PCDHA11: variants seen among roughly 807,000 people sequenced by gnomAD.
PCDHA11 encodes protocadherin alpha-11.
PCDHA11 carries 61 observed loss-of-function variants against 70.3 expected under a neutral mutation model. That is an observed-to-expected ratio of 0.87 (90% CI 0.71 to 1.07). The LOEUF (loss-of-function observed/expected upper bound fraction) is 1.07, where lower values mean the gene tolerates loss of function less well. PCDHA11 is among the 50% of genes least tolerant of loss of function. The pLI is 0.00. For missense variants in PCDHA11, 1,324 were observed against 1,237.5 expected (o/e 1.07, Z -1.05); for synonymous variants, 633 against 555.1 (o/e 1.14, Z -1.97).
chr5:140,899,268 C>T (rs2067238736), intron 1 of PCDHA11, among the ~76,000 whole-genome samples: 1 of 152,078 alleles, frequency 6.6e-6, no homozygotes, highest in Non-Finnish European at 1.5e-5. Context: ...TGTCTTGTGG[C>T]AGTTTTCAAA....
intron 1 of PCDHA11, among the ~76,000 whole-genome samples, chr5:140,942,639 G>C (rs923095335): frequency 1.3e-5 from 2 of 151,806 alleles, no homozygotes; most frequent in African/African-American, 2.4e-5. Flanking sequence ...AATGGCAAAA[G>C]AGATCTCATT....
At chr5:140,993,227 C>T (rs1464075096) in intron 3 of PCDHA11, among the ~76,000 whole-genome samples, 1 of 152,084 alleles carries the variant, frequency 6.6e-6, no homozygotes, top group African/African-American at 2.4e-5. Context: ...TTGGTATGTT[C>T]TCTCTGAATC....
At chr5:140,938,041 G>T (rs2091894997) in intron 1 of PCDHA11, among the ~76,000 whole-genome samples, 1 of 151,764 alleles carries the variant, frequency 6.6e-6, no homozygotes, top group African/African-American at 2.4e-5. Flanking sequence ...TTTATATTTT[G>T]GGTTTTCTAC....
chr5:140,971,919 C>G (rs529852735), intron 1 of PCDHA11, among the ~76,000 whole-genome samples: 1 of 152,162 alleles, frequency 6.6e-6, no homozygotes, highest in South Asian at 2.1e-4. Context: ...AGCCACACTG[C>G]TAGTGTTATT....
chr5:140,890,452 G>A (rs72800989), intron 1 of PCDHA11, among the ~76,000 whole-genome samples: 2,230 of 151,860 alleles, frequency 0.015, 28 homozygotes, highest in Non-Finnish European at 0.022. Context: ...GATATCTTTA[G>A]GCACAAATAT....
chr5:140,917,041 A>G (rs891465527), intron 1 of PCDHA11, among the ~76,000 whole-genome samples: 11 of 152,096 alleles, frequency 7.2e-5, no homozygotes, highest in Non-Finnish European at 1.6e-4. Flanking sequence ...AGTCCAGCAC[A>G]GTGTTGTTCC....
At chr5:140,875,182 A>T in intron 1 of PCDHA11, 1 of 450,902 alleles carries the variant, frequency 2.2e-6, no homozygotes. Context: ...CATTAGAATT[A>T]AGAGTGACCC....
At chr5:140,893,204 G>A (rs1207669882) in intron 1 of PCDHA11, among the ~76,000 whole-genome samples, 1 of 152,244 alleles carries the variant, frequency 6.6e-6, no homozygotes, top group African/African-American at 2.4e-5. Context: ...GCTGCAGTAA[G>A]TATGGGAGGT....
intron 2 of PCDHA11, among the ~76,000 whole-genome samples, chr5:140,981,175 T>C (rs1350828084): frequency 6.6e-6 from 1 of 152,238 alleles, no homozygotes; most frequent in African/African-American, 2.4e-5. Context: ...TTCCCTCTAA[T>C]AGTTCAAGTT....
At chr5:140,952,345 A>G (rs1199209045) in intron 1 of PCDHA11, among the ~76,000 whole-genome samples, 2 of 151,900 alleles carry the variant, frequency 1.3e-5, no homozygotes, top group Non-Finnish European at 2.9e-5. Context: ...TCTCAAAAAA[A>G]AAAAAAAAAG....
chr5:140,969,310 T>C, intron 1 of PCDHA11: 2 of 1,614,198 alleles, frequency 1.2e-6, no homozygotes, highest in East Asian at 2.2e-5. Context: ...TTCTCAAAAA[T>C]GAGGCTGTTT....
intron 1 of PCDHA11, among the ~76,000 whole-genome samples, chr5:140,911,001 C>T (rs543025308): frequency 1.3e-5 from 2 of 152,220 alleles, no homozygotes; most frequent in African/African-American, 4.8e-5. Context: ...CCCCTAGGGC[C>T]CTCCTGGGAC....
chr5:140,919,306 A>G (rs1407810868), intron 1 of PCDHA11, among the ~76,000 whole-genome samples: 1 of 152,150 alleles, frequency 6.6e-6, no homozygotes. Context: ...TGTACAATAT[A>G]TGTTTTCCCA....
rs1554164732 is a variant in PCDHA11 at position 140,870,820 on chromosome 5, G to A, written c.1717G>A (p.Gly573Arg). 1 of 1,613,748 alleles carries A rather than the reference G, an allele frequency of 6.2e-7. No individual in the cohort carries two copies. The highest frequency in any genetic ancestry group is 8.5e-7 in the Non-Finnish European group (1 of 1,179,886). ...ALLATQAGSA[G>R]GAVNKLVPRS... ...GCTGGCGACTCAGGCTGGCAGCGCG[G>A]GAGGCGCAGTTAACAAGCTAGTACC... The change falls in exon 1 of 4, where the codon GGA becomes AGA. Residue 573 changes from glycine to arginine, a missense_variant. Coordinates refer to ENST00000398640, the MANE Select transcript of PCDHA11 (RefSeq NM_018902.5).
chr5:140,968,932 A>G, intron 1 of PCDHA11: 3 of 1,614,164 alleles, frequency 1.9e-6, no homozygotes, highest in Non-Finnish European at 2.5e-6. Flanking sequence ...TTCTTTTGAC[A>G]ATCATCATTT....
intron 1 of PCDHA11, among the ~76,000 whole-genome samples, chr5:140,976,863 T>G (rs116630325): frequency 0.028 from 4,205 of 152,320 alleles, 87 homozygotes; most frequent in Non-Finnish European, 0.044. Flanking sequence ...GAGTTTACTG[T>G]CTGACAAAGA....
intron 1 of PCDHA11, among the ~76,000 whole-genome samples, chr5:140,941,916 A>G (rs191775899): frequency 2.8e-3 from 421 of 152,316 alleles, no homozygotes; most frequent in Middle Eastern, 6.8e-3. Flanking sequence ...GCTTTTATGT[A>G]TATCTTAAAA....
chr5:140,914,928 T>C lies in PCDHA11; in HGVS notation c.2391+43434T>C, dbSNP rs75399267. On this transcript the variant is annotated intron_variant, in intron 1 of 3. Coordinates refer to ENST00000398640, the MANE Select transcript of PCDHA11 (RefSeq NM_018902.5). ...TGTTTCTCTGTGTCTTATTGTACTA[T>C]GTTGTGAAAAGTTGTCTTTTTTTTT... Among the ~76,000 whole-genome samples the C allele has an allele frequency of 4.6e-3, 691 of 150,904 alleles. 3 individuals carry two copies. The highest frequency in any genetic ancestry group is 0.016 in the African/African-American group (668 of 41,182).
In PCDHA11 at chr5:140,876,147, T is replaced by A. The variant is rs183600546; in HGVS notation, c.2391+4653T>A. 4.3e-6 allele frequency: 7 copies of A among 1,613,994 alleles called. No individual in the cohort carries two copies. The Admixed American group carries it at 1.2e-4, about 27-fold the overall frequency. ...GCGGTAAACCAGAACTAACAGGGTC[T>A]GTCCAGATTCAAATAACCGTCCTGG... is the stretch of plus-strand genomic sequence containing the variant. On this transcript the variant is annotated intron_variant, in intron 1 of 3. Transcript: ENST00000398640.
Sources: allele counts gnomAD v4.1 joint callset (sites outside exome capture counted in the v4.1 genomes callset), GRCh38; gene constraint gnomAD v4.1.1; transcripts MANE v1.5; gene names NCBI Gene and HGNC (gene_info 2026-07-23, HGNC 2026-07-21).